Variants in KIRREL3 observed in about 807,000 individuals in gnomAD.
The protein encoded by KIRREL3 is kirre like nephrin family adhesion molecule 3, also known as kin of IRRE-like protein 3.
Under a neutral mutation model 89.7 loss-of-function variants are expected in KIRREL3, and 36 were observed. The observed-to-expected ratio is 0.40, with a 90% CI of 0.31 to 0.53. KIRREL3 has a LOEUF of 0.53. Ranked by LOEUF, KIRREL3 falls within the 20% of genes least tolerant of loss-of-function variation. The probability of loss-of-function intolerance (pLI) is 0.49; values close to 1 mark genes in which losing one functional copy is unlikely to be tolerated. For synonymous variants in KIRREL3, 445 were observed against 441.4 expected, an observed-to-expected ratio of 1.01 and a Z score of -0.10; for missense variants, 864 against 1,056.6, an observed-to-expected ratio of 0.82 and a Z score of 2.53.
chr11:126,994,723 C>T lies in KIRREL3; in HGVS notation c.55+5732G>A, dbSNP rs937474251. On this transcript the variant is annotated intron_variant, in intron 1 of 16. Coordinates refer to ENST00000525144, the MANE Select transcript of KIRREL3 (RefSeq NM_032531.4). The surrounding 1 kb of genome is among the most constrained non-coding windows in gnomAD (Gnocchi z 5.2). ...GAAGCTATGAGTGAATGAAAGTTAA[C>T]GTGCAGTAGGGGGAGGTTCAATGGG... is the stretch of plus-strand genomic sequence containing the variant. 3.9e-5 allele frequency among the ~76,000 whole-genome samples: 6 copies of T among 152,248 alleles called. No homozygotes were observed. The highest frequency in any genetic ancestry group is 2.1e-4 in the South Asian group (1 of 4,820).
At chr11:126,819,202 C>G (rs1054215011) in intron 1 of KIRREL3, among the ~76,000 whole-genome samples, 2 of 152,070 alleles carry the variant, frequency 1.3e-5, no homozygotes, top group African/African-American at 4.8e-5. Flanking sequence ...CAGCCTGAGG[C>G]GACGGTCCGG....
intron 1 of KIRREL3, among the ~76,000 whole-genome samples, chr11:126,803,100 G>A (rs1228699671): frequency 6.6e-6 from 1 of 152,174 alleles, no homozygotes; most frequent in East Asian, 1.9e-4. Flanking sequence ...AGACTGAGGG[G>A]GCACACCTGG....
chr11:126,591,315 G>A (rs578341), intron 1 of KIRREL3, among the ~76,000 whole-genome samples: 52,049 of 152,060 alleles, frequency 0.34, 9,191 homozygotes, highest in East Asian at 0.57. Context: ...GTAACCAGGT[G>A]TATTCCACAG....
rs1295811936 is a variant in KIRREL3, at chr11:126,444,964, C to G, written c.1252+15G>C. The G allele has an allele frequency of 6.2e-7, 1 of 1,613,452 alleles. No homozygotes were observed. Among genetic ancestry groups the G allele is most frequent in the Non-Finnish European group, 8.5e-7 (1 of 1,179,802 alleles). ...TCCCTCCCTCAGGCCTGGCTCACCC[C>G]AGCGAGGGTCTTACCATTGACGGTC... On this transcript the variant is annotated intron_variant, in intron 10 of 16. Transcript: ENST00000525144.
rs553039756 is a variant in KIRREL3, at chr11:126,905,582, G to T, written c.55+94873C>A. 6.6e-6 allele frequency among the ~76,000 whole-genome samples: 1 copy of T among 152,074 alleles called. No individual in the cohort carries two copies. The highest frequency in any genetic ancestry group is 1.5e-5 in the Non-Finnish European group (1 of 68,010). On this transcript the variant is annotated intron_variant, in intron 1 of 16. Coordinates refer to ENST00000525144, the MANE Select transcript of KIRREL3 (RefSeq NM_032531.4). This position sits in a 1 kb window ranked among gnomAD's most constrained non-coding sequence, Gnocchi z 5.0. ...TTTTGGGCCTTATCGAACCTGTCCC[G>T]CTTGTGACCCACAAGAGCATTGCAA...
chr11:126,908,029 C>A lies in KIRREL3; in HGVS notation c.55+92426G>T, dbSNP rs982770709. Among the ~76,000 whole-genome samples the A allele has an allele frequency of 1.3e-4, 20 of 152,072 alleles. No individual in the cohort carries two copies. The highest frequency in any genetic ancestry group is 1.2e-3 in the Admixed American group (18 of 15,266). On this transcript the variant is annotated intron_variant, in intron 1 of 16. Transcript: ENST00000525144. The surrounding 1 kb of genome is among the most constrained non-coding windows in gnomAD (Gnocchi z 4.2). ...TGTCACACCGCCACCCAAAAGACACCCCCCAAATTCTTCCCTGCTTTCTTT... is the reference window on the plus strand; with the variant it reads ...TGTCACACCGCCACCCAAAAGACACACCCCAAATTCTTCCCTGCTTTCTTT...
In KIRREL3 at chr11:126,814,210, A is replaced by G. The variant is rs533710454; in HGVS notation, c.55+186245T>C. On this transcript the variant is annotated intron_variant, in intron 1 of 16. Transcript: ENST00000525144. The surrounding 1 kb of genome is among the most constrained non-coding windows in gnomAD (Gnocchi z 4.4). ...CAAATAAAAACCACAATGACATACC[A>G]TCTCATGCCAGGCAGAATGGCTTTT... Among the ~76,000 whole-genome samples the G allele has an allele frequency of 3.3e-5, 5 of 152,320 alleles. No homozygotes were observed. Among genetic ancestry groups the G allele is most frequent in the Non-Finnish European group, 7.3e-5 (5 of 68,030 alleles).
chr11:126,734,003 G>T lies in KIRREL3; in HGVS notation c.56-171091C>A. Among the ~76,000 whole-genome samples, 1 of 152,194 alleles carries T rather than the reference G, an allele frequency of 6.6e-6. No individual in the cohort carries two copies. The highest frequency in any genetic ancestry group is 1.9e-4 in the East Asian group (1 of 5,190). On this transcript the variant is annotated intron_variant, in intron 1 of 16. Coordinates refer to ENST00000525144, the MANE Select transcript of KIRREL3 (RefSeq NM_032531.4). This position sits in a 1 kb window ranked among gnomAD's most constrained non-coding sequence, Gnocchi z 5.9. ...GCAACTTCAGGTGAGGTGGGAAGCA[G>T]CCCAGAAGAGGTCAGCGTCTGCCTC...
At position 126,445,000 on chromosome 11, in the gene KIRREL3, C is replaced by G. The variant is rs761006116; in HGVS notation, c.1231G>C (p.Glu411Gln). 42 of 1,613,662 alleles carry G rather than the reference C, an allele frequency of 2.6e-5. No individual in the cohort carries two copies. Among genetic ancestry groups the G allele is most frequent in the Non-Finnish European group, 3.2e-5 (38 of 1,179,806 alleles). ...TTACCATTGACGGTCAGGGTCACCT[C>G]TCTCTCCCCGGCTCCCACACGGGGC... ...VVPRVGAGER[E>Q]VTLTVNGPPI... Residue 411 changes from glutamate (E) to glutamine (Q), a missense_variant, in exon 10 of 17, where the codon GAG (glutamate) becomes CAG (glutamine). Glu to Gln is a conservative substitution (Grantham distance 29). Coordinates refer to ENST00000525144, the MANE Select transcript of KIRREL3 (RefSeq NM_032531.4).
chr11:126,456,513 G>A, intron 6 of KIRREL3, 59 bp from the exon 7 acceptor site: 1 of 1,144,858 alleles, frequency 8.7e-7, no homozygotes, highest in Non-Finnish European at 1.3e-6. Flanking sequence ...GGGAGATCCT[G>A]GGCGACATGG....
chr11:126,726,212 C>A (rs1948373739), intron 1 of KIRREL3, among the ~76,000 whole-genome samples: 1 of 152,164 alleles, frequency 6.6e-6, no homozygotes, highest in Admixed American at 6.5e-5. Flanking sequence ...AAAGCTCTGA[C>A]ATTCAGTGAT....
intron 1 of KIRREL3, among the ~76,000 whole-genome samples, chr11:126,604,890 C>T (rs143017482): frequency 1.3e-5 from 2 of 152,358 alleles, no homozygotes; most frequent in African/African-American, 4.8e-5. Context: ...ACCCCAAGCC[C>T]CCTCTCCTCA....
rs577357006 is a variant in KIRREL3 at position 126,522,509 on chromosome 11, C to G, written c.284-1045G>C. 1.3e-5 allele frequency among the ~76,000 whole-genome samples: 2 copies of G among 152,200 alleles called. No individual in the cohort carries two copies. Among genetic ancestry groups the G allele is most frequent in the East Asian group, 3.9e-4 (2 of 5,180 alleles). On this transcript the variant is annotated intron_variant, in intron 3 of 16. Transcript: ENST00000525144. This position sits in a 1 kb window ranked among gnomAD's most constrained non-coding sequence, Gnocchi z 6.0. ...ACGCACTTATGAAGTGCTCAGGACG[C>G]TTAAGAATTGGGGGCCCCTTGTACC... is the stretch of plus-strand genomic sequence containing the variant.
In KIRREL3 at chr11:126,605,867, A is replaced by G. The variant is rs1942867813; in HGVS notation, c.56-42955T>C. 6.6e-6 allele frequency among the ~76,000 whole-genome samples: 1 copy of G among 152,138 alleles called. No individual in the cohort carries two copies. The highest frequency in any genetic ancestry group is 1.5e-5 in the Non-Finnish European group (1 of 68,026). On this transcript the variant is annotated intron_variant, in intron 1 of 16. Coordinates refer to ENST00000525144, the MANE Select transcript of KIRREL3 (RefSeq NM_032531.4). This position sits in a 1 kb window ranked among gnomAD's most constrained non-coding sequence, Gnocchi z 5.7. ...CCTCTCATTGCATCTTTCCTCTGGG[A>G]TCAAATTAGAGGCACAAAGGGCAGA... is the stretch of plus-strand genomic sequence containing the variant.
intron 1 of KIRREL3, among the ~76,000 whole-genome samples, chr11:126,679,599 T>C (rs1230852903): frequency 1.3e-5 from 2 of 152,168 alleles, no homozygotes; most frequent in African/African-American, 2.4e-5. Context: ...TTAATCATAA[T>C]ATTGTGACTT....
At position 126,908,249 on chromosome 11, in the gene KIRREL3, C is replaced by T. The variant is rs1946666610; in HGVS notation, c.55+92206G>A. ...AATAAATAAATCTAGGTGGATATTC[C>T]AATCGGTTGCTTTGACATTCATGGA... On this transcript the variant is annotated intron_variant, in intron 1 of 16. Transcript: ENST00000525144. This position sits in a 1 kb window ranked among gnomAD's most constrained non-coding sequence, Gnocchi z 4.2. Among the ~76,000 whole-genome samples the T allele has an allele frequency of 6.6e-6, 1 of 152,084 alleles. No homozygotes were observed. Among genetic ancestry groups the T allele is most frequent in the African/African-American group, 2.4e-5 (1 of 41,406 alleles).
At chr11:126,875,793 A>G (rs1565374230) in intron 1 of KIRREL3, among the ~76,000 whole-genome samples, 1 of 152,264 alleles carries the variant, frequency 6.6e-6, no homozygotes, top group Non-Finnish European at 1.5e-5. Context: ...TGTACTTCAC[A>G]ATTACAATAT....
chr11:126,477,250 C>T lies in KIRREL3; in HGVS notation c.434-3784G>A, dbSNP rs940602160. 6.6e-6 allele frequency among the ~76,000 whole-genome samples: 1 copy of T among 152,238 alleles called. No individual in the cohort carries two copies. Among genetic ancestry groups the T allele is most frequent in the African/African-American group, 2.4e-5 (1 of 41,462 alleles). On this transcript the variant is annotated intron_variant, in intron 4 of 16. Transcript: ENST00000525144. This position sits in a 1 kb window ranked among gnomAD's most constrained non-coding sequence, Gnocchi z 4.8. Reference sequence around the variant, plus strand: ...TCTTTACAGTTTACTCTCCCATTGGCCAGGACTGGAGCAGGCAGCTTCAGT... The same window carrying T: ...TCTTTACAGTTTACTCTCCCATTGGTCAGGACTGGAGCAGGCAGCTTCAGT...
At chr11:126,451,677 T>G (rs552588094) in intron 7 of KIRREL3, among the ~76,000 whole-genome samples, 1 of 152,006 alleles carries the variant, frequency 6.6e-6, no homozygotes, top group Non-Finnish European at 1.5e-5. Flanking sequence ...TGTGTGCATA[T>G]GTGCGTGTGT....
Sources: allele counts gnomAD v4.1 joint callset (sites outside exome capture counted in the v4.1 genomes callset), GRCh38; gene constraint gnomAD v4.1.1; non-coding constraint Gnocchi (gnomAD v3.1); transcripts MANE v1.5; gene names NCBI Gene and HGNC (gene_info 2026-07-23, HGNC 2026-07-21).